LINGO2: variants seen among roughly 807,000 people sequenced by gnomAD.
LINGO2 encodes the protein leucine-rich repeat and immunoglobulin-like domain-containing nogo receptor-interacting protein 2.
A neutral mutation model predicts 30.6 loss-of-function variants in LINGO2; 14 were observed. That is an observed-to-expected ratio of 0.46 (90% confidence interval 0.30 to 0.72). The LOEUF is 0.72. LINGO2 is among the 30% of genes least tolerant of loss of function. The probability of loss-of-function intolerance (pLI) is 0.07; values close to 1 mark genes in which losing one functional copy is unlikely to be tolerated. For synonymous variants in LINGO2, 317 were observed against 288.5 expected, an observed-to-expected ratio of 1.10 and a Z score of -1.00; for missense variants, 729 against 751.7, an observed-to-expected ratio of 0.97 and a Z score of 0.35.
the LINGO2 span, among the ~76,000 whole-genome samples, chr9:28,947,970 T>G: frequency 4.6e-5 from 7 of 152,014 alleles, no homozygotes; most frequent in Non-Finnish European, 1.0e-4. Flanking sequence ...ACCTAGCTTC[T>G]TTCAGTAGTG....
chr9:28,174,263 G>T lies in LINGO2; in HGVS notation c.-87+120945C>A, dbSNP rs142520950. ...TTCTATTTCTGCATTAATTGTAAAG[G>T]TTTAATAAAATAAATGTTCTCTTCT... is the stretch of plus-strand genomic sequence containing the variant. On this transcript the variant is annotated intron_variant, in intron 4 of 5. Transcript: ENST00000379992. 4.4e-3 allele frequency among the ~76,000 whole-genome samples: 674 copies of T among 152,244 alleles called. 3 individuals are homozygous for T. Among genetic ancestry groups the T allele is most frequent in the South Asian group, 0.01 (49 of 4,816 alleles).
At chr9:28,038,433 C>A (rs1180353101) in intron 4 of LINGO2, among the ~76,000 whole-genome samples, 1 of 152,114 alleles carries the variant, frequency 6.6e-6, no homozygotes, top group Admixed American at 6.6e-5. Flanking sequence ...GTGGCTCACG[C>A]CTGTAATCCC....
intron 2 of LINGO2, among the ~76,000 whole-genome samples, chr9:28,440,349 G>A (rs564971399): frequency 1.3e-5 from 2 of 152,206 alleles, no homozygotes; most frequent in South Asian, 4.1e-4. Flanking sequence ...AAAGTTACAG[G>A]TATTCTTTTA....
At chr9:28,927,789 C>G in the LINGO2 span, among the ~76,000 whole-genome samples, 1 of 152,182 alleles carries the variant, frequency 6.6e-6, no homozygotes, top group African/African-American at 2.4e-5. Context: ...TTTTTCACAA[C>G]TCTATGAGGC....
intron 1 of LINGO2, among the ~76,000 whole-genome samples, chr9:28,485,152 A>G (rs1826121400): frequency 6.6e-6 from 1 of 152,144 alleles, no homozygotes; most frequent in Non-Finnish European, 1.5e-5. Flanking sequence ...AATCATTCTA[A>G]AATCCTGTCT....
intron 1 of LINGO2, among the ~76,000 whole-genome samples, chr9:28,632,872 A>AGAGAGAGAGAGAGAGAGAGAGGAGTTGAT (rs1827056005): frequency 9.1e-6 from 1 of 109,910 alleles, no homozygotes; most frequent in African/African-American, 4.0e-5. Flanking sequence ...ATATATATAT[A>AGAGAGAGAGAGAGAGAGAGAGGAGTTGAT]TATATATGTA....
intron 4 of LINGO2, among the ~76,000 whole-genome samples, chr9:28,257,941 T>A (rs1165845164): frequency 6.6e-6 from 1 of 151,938 alleles, no homozygotes; most frequent in Non-Finnish European, 1.5e-5. Context: ...TCATTCCTAA[T>A]AATTGTGGTG....
At chr9:29,095,474 C>A in the LINGO2 span, among the ~76,000 whole-genome samples, 1 of 137,942 alleles carries the variant, frequency 7.2e-6, no homozygotes, top group East Asian at 2.5e-4. Flanking sequence ...ACCTGAAACA[C>A]AATAGGTTAG....
At chr9:28,687,267 T>C in the LINGO2 span, among the ~76,000 whole-genome samples, 1 of 152,136 alleles carries the variant, frequency 6.6e-6, no homozygotes, top group Admixed American at 6.5e-5. Context: ...GCATTCTTGA[T>C]ATTCTTGAAT....
At chr9:28,273,348 G>C (rs1310403836) in intron 4 of LINGO2, among the ~76,000 whole-genome samples, 1 of 152,158 alleles carries the variant, frequency 6.6e-6, no homozygotes, top group Non-Finnish European at 1.5e-5. Context: ...CAAAAGCAAA[G>C]TGGTCCTTCT....
the LINGO2 span, among the ~76,000 whole-genome samples, chr9:28,749,305 T>G: frequency 6.6e-6 from 1 of 152,060 alleles, no homozygotes. Flanking sequence ...TTGTATCTTA[T>G]GAAACCATCT....
chr9:27,949,254 G>T (rs1328025018), exon 6 of LINGO2: 1 of 1,614,080 alleles, frequency 6.2e-7, no homozygotes, highest in Non-Finnish European at 8.5e-7. Flanking sequence ...TTGATCCTGG[G>T]CAAAGCGGAT....
At chr9:28,485,509 C>T (rs948905657) in intron 1 of LINGO2, among the ~76,000 whole-genome samples, 13 of 151,924 alleles carry the variant, frequency 8.6e-5, no homozygotes, top group African/African-American at 2.9e-4. Context: ...GGAGAGAAAG[C>T]TCATTATAGC....
At chr9:27,969,134 CAGAT>C (rs1479881784) in intron 5 of LINGO2, among the ~76,000 whole-genome samples, 1 of 151,700 alleles carries the variant, frequency 6.6e-6, no homozygotes, top group African/African-American at 2.4e-5. Flanking sequence ...AAGTGAAAAA[CAGAT>C]AAAGTATGAA....
the LINGO2 span, among the ~76,000 whole-genome samples, chr9:28,876,011 C>G: frequency 0.14 from 20,760 of 151,912 alleles, 2,027 homozygotes; most frequent in African/African-American, 0.28. Flanking sequence ...AATCAACTAA[C>G]AATAAAAGTA....
chr9:27,982,174 C>T (rs1001431358), intron 5 of LINGO2, among the ~76,000 whole-genome samples: 2 of 151,794 alleles, frequency 1.3e-5, no homozygotes, highest in African/African-American at 4.8e-5. Context: ...GTGAAGAGTA[C>T]ATTAGAGGTC....
chr9:28,700,857 A>G, the LINGO2 span, among the ~76,000 whole-genome samples: 2 of 152,056 alleles, frequency 1.3e-5, no homozygotes, highest in Non-Finnish European at 2.9e-5. Flanking sequence ...ATAGGTATGT[A>G]GTGGTAACTC....
chr9:28,782,833 C>T, the LINGO2 span, among the ~76,000 whole-genome samples: 32 of 152,234 alleles, frequency 2.1e-4, no homozygotes, highest in African/African-American at 7.7e-4. Flanking sequence ...AGTTGTTAGG[C>T]AATTTCATCA....
chr9:28,947,543 A>G, the LINGO2 span, among the ~76,000 whole-genome samples: 4 of 152,032 alleles, frequency 2.6e-5, no homozygotes, highest in African/African-American at 9.7e-5. Context: ...TGAGTCTGCT[A>G]TTGTGCCCTA....
Sources: gnomAD v4.1 joint callset for allele counts (sites outside exome capture counted in the v4.1 genomes callset) on GRCh38, gnomAD v4.1.1 for gene constraint, MANE v1.5 for transcripts, NCBI Gene and HGNC (gene_info 2026-07-23, HGNC 2026-07-21) for gene names.